DLGAP2: variants seen among roughly 807,000 people sequenced by gnomAD.
The protein encoded by DLGAP2 is DLG associated protein 2.
In DLGAP2, 26 loss-of-function variants were observed where a neutral mutation model predicts 100.3. The observed-to-expected ratio is 0.26, with a 90% CI of 0.19 to 0.36. The LOEUF (loss-of-function observed/expected upper bound fraction) is 0.36. DLGAP2 is among the 10% of genes least tolerant of loss of function. DLGAP2 has a pLI of 1.00. For synonymous variants in DLGAP2, 886 were observed against 630.1 expected, an observed-to-expected ratio of 1.41 and a Z score of -6.08; for missense variants, 1,858 against 1,453.2, an observed-to-expected ratio of 1.28 and a Z score of -4.53.
intron 3 of DLGAP2, among the ~76,000 whole-genome samples, chr8:1,309,654 C>T (rs892904301): frequency 6.6e-6 from 1 of 152,166 alleles, no homozygotes; most frequent in South Asian, 2.1e-4. Flanking sequence ...AGGTCTTCAG[C>T]GATGGTGAAT....
chr8:1,613,550 A>G (rs1385372587), intron 6 of DLGAP2, among the ~76,000 whole-genome samples: 1 of 151,578 alleles, frequency 6.6e-6, no homozygotes, highest in Non-Finnish European at 1.5e-5. Flanking sequence ...AATAAAAAAA[A>G]AAAAAGAAAA....
chr8:1,354,298 G>C (rs1801799604), intron 3 of DLGAP2, among the ~76,000 whole-genome samples: 1 of 152,174 alleles, frequency 6.6e-6, no homozygotes. Flanking sequence ...CTGAGGCCAG[G>C]AGTTTGAGAC....
At chr8:1,533,467 C>G (rs1801054109) in intron 4 of DLGAP2, among the ~76,000 whole-genome samples, 1 of 151,766 alleles carries the variant, frequency 6.6e-6, no homozygotes, top group Non-Finnish European at 1.5e-5. Context: ...GATCGCGCCA[C>G]TGCATTCCAG....
chr8:1,632,298 G>C (rs1797666654), intron 7 of DLGAP2, among the ~76,000 whole-genome samples: 1 of 152,196 alleles, frequency 6.6e-6, no homozygotes, highest in Non-Finnish European at 1.5e-5. Flanking sequence ...GATGAGTTTA[G>C]AAGCCAAATT....
chr8:828,551 A>G (rs908225995), intron 1 of DLGAP2, among the ~76,000 whole-genome samples: 1 of 152,164 alleles, frequency 6.6e-6, no homozygotes, highest in African/African-American at 2.4e-5. Context: ...CACATTTCAT[A>G]TTGCTCAAAC....
chr8:925,669 C>CCATG lies in DLGAP2; in HGVS notation c.73+17705_73+17708dup, dbSNP rs1238692315. Among the ~76,000 whole-genome samples the CCATG allele has an allele frequency of 2.0e-5, 3 of 151,950 alleles. No individual in the cohort carries two copies. In the East Asian group the frequency reaches 5.8e-4, roughly 29 times the overall value. On this transcript the variant is annotated intron_variant, in intron 2 of 14. Coordinates refer to ENST00000637795, the MANE Select transcript of DLGAP2 (RefSeq NM_001346810.2). ...GTATTTGTTTACACATATGTAGACC[C>CCATG]CATGCTTATATATATAAATCTCATC... is the stretch of plus-strand genomic sequence containing the variant.
At chr8:1,236,264 T>C (rs796778173) in intron 2 of DLGAP2, among the ~76,000 whole-genome samples, 553 of 14,840 alleles carry the variant, frequency 0.037, 2 homozygotes, top group African/African-American at 0.043. Flanking sequence ...TCTCACATGG[T>C]GCCGTTTCTA....
rs34602128 is a variant in DLGAP2 at position 837,664 on chromosome 8, A to ATGTGTG, written c.19-70230_19-70225dup. On this transcript the variant is annotated intron_variant, in intron 1 of 14. Coordinates refer to ENST00000637795, the MANE Select transcript of DLGAP2 (RefSeq NM_001346810.2). Reference sequence around the variant, plus strand: ...GCCTTGTAGAAATTTGTTTGTGTGTATGTGTGTGTGTGTGTGTGTGTGTAT... The same window carrying ATGTGTG: ...GCCTTGTAGAAATTTGTTTGTGTGTATGTGTGTGTGTGTGTGTGTGTGTGTGTGTAT... Among the ~76,000 whole-genome samples the ATGTGTG allele has an allele frequency of 5.1e-3, 738 of 146,010 alleles. 1 individual carries two copies. Among genetic ancestry groups the ATGTGTG allele is most frequent in the Middle Eastern group, 7.0e-3 (2 of 286 alleles).
intron 9 of DLGAP2, 49 bp downstream of exon 9, chr8:1,668,727 C>T: frequency 6.9e-7 from 1 of 1,453,902 alleles, no homozygotes; most frequent in Non-Finnish European, 9.1e-7. Context: ...TCAGTCCTGC[C>T]AATAGCCTAG....
chr8:1,225,053 A>G (rs1337327177), intron 2 of DLGAP2, among the ~76,000 whole-genome samples: 1 of 152,206 alleles, frequency 6.6e-6, no homozygotes, highest in Non-Finnish European at 1.5e-5. Flanking sequence ...ATCCACAAAA[A>G]CTTAAAATGG....
chr8:997,685 C>T (rs1395290150), intron 2 of DLGAP2, among the ~76,000 whole-genome samples: 1 of 152,188 alleles, frequency 6.6e-6, no homozygotes, highest in African/African-American at 2.4e-5. Context: ...AAACATAATT[C>T]TTTAAAAGCC....
chr8:1,187,433 TGCCTCACGGAATCTCACACA>T (rs1797531346), intron 2 of DLGAP2, among the ~76,000 whole-genome samples: 42 of 135,142 alleles, frequency 3.1e-4, no homozygotes, highest in African/African-American at 7.8e-4. Context: ...CCGTGACGTT[TGCCTCACGGAATCTCACACA>T]CCCGGGACCT....
intron 3 of DLGAP2, among the ~76,000 whole-genome samples, chr8:1,433,622 G>A (rs965779418): frequency 7.4e-5 from 7 of 95,022 alleles, no homozygotes; most frequent in Non-Finnish European, 5.5e-5. Context: ...GCAGCTGACC[G>A]ACTTGGAATT....
chr8:1,157,813 G>T (rs1344457649), intron 2 of DLGAP2, among the ~76,000 whole-genome samples: 1 of 152,190 alleles, frequency 6.6e-6, no homozygotes, highest in African/African-American at 2.4e-5. Flanking sequence ...TCGGAGGGAG[G>T]CGATGAGGGC....
At chr8:860,894 G>C (rs1797376395) in intron 1 of DLGAP2, among the ~76,000 whole-genome samples, 1 of 152,140 alleles carries the variant, frequency 6.6e-6, no homozygotes, top group African/African-American at 2.4e-5. Flanking sequence ...AGTAGGACTA[G>C]GGTGGAGGAG....
chr8:1,661,769 T>G (rs1443945029), intron 8 of DLGAP2, among the ~76,000 whole-genome samples: 2 of 152,176 alleles, frequency 1.3e-5, no homozygotes, highest in Non-Finnish European at 2.9e-5. Flanking sequence ...AAGACAGATG[T>G]AACTTTCTCA....
At position 1,621,036 on chromosome 8, in the gene DLGAP2, A is replaced by G. The variant is rs80185119; in HGVS notation, c.1443-5704A>G. On this transcript the variant is annotated intron_variant, in intron 6 of 14. Transcript: ENST00000637795. ...TTTAGCATTTTGCATTAAGAAATCT[A>G]TGTTCCAGTCTTTGTCCCCAACACA... 77 of 152,314 alleles carry G rather than the reference A, an allele frequency of 5.1e-4. 1 individual carries two copies. The highest frequency in any genetic ancestry group is 1.8e-3 in the African/African-American group (75 of 41,546). The allele number at this position is 152,314 out of a possible 1,614,324, so 9.4% of individuals were successfully genotyped here.
At chr8:1,679,641 C>G (rs1473702726) in intron 12 of DLGAP2, among the ~76,000 whole-genome samples, 7 of 152,228 alleles carry the variant, frequency 4.6e-5, no homozygotes, top group African/African-American at 1.7e-4. Context: ...AAGGGGACAG[C>G]CCCTTATTCT....
At chr8:1,190,593 A>G (rs188646370) in intron 2 of DLGAP2, among the ~76,000 whole-genome samples, 1 of 152,278 alleles carries the variant, frequency 6.6e-6, no homozygotes, top group Non-Finnish European at 1.5e-5. Context: ...TGTCGCAATC[A>G]GCATTGAGAG....
Sources: gnomAD v4.1 joint callset for allele counts (sites outside exome capture counted in the v4.1 genomes callset) on GRCh38, gnomAD v4.1.1 for gene constraint, MANE v1.5 for transcripts, NCBI Gene and HGNC (gene_info 2026-07-23, HGNC 2026-07-21) for gene names.